The following ARID4B variants were observed in gnomAD, a reference collection of about 807,000 sequenced individuals.
ARID4B encodes the protein AT-rich interactive domain-containing protein 4B.
ARID4B carries 26 observed loss-of-function variants against 147.5 expected under a neutral mutation model. The ratio of observed to expected loss-of-function variants is 0.18; its 90% CI spans 0.13 to 0.24. ARID4B has a LOEUF of 0.24. Ranked by LOEUF, ARID4B falls within the 10% of genes least tolerant of loss-of-function variation. ARID4B has a pLI of 1.00. For synonymous variants in ARID4B, 512 were observed against 507.9 expected (o/e 1.01, Z -0.11); for missense variants, 1,179 against 1,511.5 (o/e 0.78, Z 3.65).
intron 19 of ARID4B, among the ~76,000 whole-genome samples, chr1:235,188,713 T>C (rs901571067): frequency 2.6e-5 from 4 of 152,066 alleles, no homozygotes; most frequent in African/African-American, 7.2e-5. Context: ...AGTCAAGAGA[T>C]TGGAACTCTT....
At chr1:235,248,063 T>C (rs1466745856) in intron 6 of ARID4B, among the ~76,000 whole-genome samples, 1 of 152,130 alleles carries the variant, frequency 6.6e-6, no homozygotes, top group Non-Finnish European at 1.5e-5. Flanking sequence ...AAACTATTTT[T>C]ATTGAGACAG....
chr1:235,308,820 C>G (rs1336341605), intron 2 of ARID4B, among the ~76,000 whole-genome samples: 3 of 151,982 alleles, frequency 2.0e-5, no homozygotes, highest in Non-Finnish European at 4.4e-5. Context: ...GATCTCGGCT[C>G]GCTACAACCT....
chr1:235,195,963 T>C (rs1665463074), intron 18 of ARID4B, 68 bp downstream of exon 18: 12 of 916,626 alleles, frequency 1.3e-5, no homozygotes, highest in Non-Finnish European at 1.9e-5. Flanking sequence ...AACACATATT[T>C]AATTGCATCA....
At chr1:235,302,680 G>A (rs1296679512) in intron 2 of ARID4B, among the ~76,000 whole-genome samples, 1 of 152,132 alleles carries the variant, frequency 6.6e-6, no homozygotes, top group Non-Finnish European at 1.5e-5. Context: ...CCTGCCCACT[G>A]CTTCTCCTTT....
chr1:235,273,167 A>G (rs1239872114), intron 2 of ARID4B, among the ~76,000 whole-genome samples: 1 of 152,170 alleles, frequency 6.6e-6, no homozygotes, highest in East Asian at 1.9e-4. Flanking sequence ...CCTTCCAAGT[A>G]GCTGGGACTA....
intron 2 of ARID4B, among the ~76,000 whole-genome samples, chr1:235,316,716 G>A (rs1387607312): frequency 2.6e-5 from 4 of 151,410 alleles, no homozygotes; most frequent in Non-Finnish European, 5.9e-5. Context: ...CTACTTGGGA[G>A]GCTGAGGGAG....
chr1:235,306,627 A>G (rs1451589991), intron 2 of ARID4B, among the ~76,000 whole-genome samples: 1 of 152,164 alleles, frequency 6.6e-6, no homozygotes, highest in Non-Finnish European at 1.5e-5. Context: ...GTGAATATAT[A>G]ATTTTAGGGC....
intron 19 of ARID4B, among the ~76,000 whole-genome samples, chr1:235,186,433 C>CA (rs1276639193): frequency 6.7e-6 from 1 of 148,946 alleles, no homozygotes; most frequent in Non-Finnish European, 1.5e-5. Context: ...TTTTAAGAGA[C>CA]AGAGTCTCGC....
At chr1:235,313,666 C>A (rs936673340) in intron 2 of ARID4B, among the ~76,000 whole-genome samples, 1 of 152,158 alleles carries the variant, frequency 6.6e-6, no homozygotes, top group African/African-American at 2.4e-5. Context: ...CCATAAATAA[C>A]CCTCTAGGCT....
At chr1:235,301,534 CTTT>C (rs567369149) in intron 2 of ARID4B, among the ~76,000 whole-genome samples, 24 of 99,812 alleles carry the variant, frequency 2.4e-4, no homozygotes, top group African/African-American at 7.5e-4. Flanking sequence ...GACCCTATTT[CTTT>C]TTTTTTTTTT....
At chr1:235,327,491 G>A (rs1023404655) in intron 1 of ARID4B, 2 of 152,348 alleles carry the variant, frequency 1.3e-5, no homozygotes, top group East Asian at 1.9e-4. Flanking sequence ...CCCCGCCGCG[G>A]GGACAACGTG....
intron 10 of ARID4B, 102 bp from the exon 11 acceptor site, chr1:235,229,487 C>G (rs1668063638): frequency 2.5e-6 from 2 of 793,302 alleles, no homozygotes; most frequent in Non-Finnish European, 4.1e-6. Flanking sequence ...TGTGCTAATA[C>G]CACTGACATT....
chr1:235,273,989 T>C (rs1467876824), intron 2 of ARID4B, among the ~76,000 whole-genome samples: 1 of 152,196 alleles, frequency 6.6e-6, no homozygotes, highest in Non-Finnish European at 1.5e-5. Context: ...TACTACTCAC[T>C]ATGAACGCTG....
intron 18 of ARID4B, among the ~76,000 whole-genome samples, chr1:235,195,363 C>T (rs184621160): frequency 6.6e-6 from 1 of 152,142 alleles, no homozygotes; most frequent in East Asian, 1.9e-4. Context: ...GAGGCCAAGG[C>T]GGGCGGATCA....
At chr1:235,171,826 G>C (rs1663388528) in intron 23 of ARID4B, among the ~76,000 whole-genome samples, 2 of 152,022 alleles carry the variant, frequency 1.3e-5, no homozygotes, top group African/African-American at 2.4e-5. Flanking sequence ...TTTTTTAGTA[G>C]AGACGGGGTT....
chr1:235,252,628 C>T (rs751492346), intron 6 of ARID4B, 102 bp downstream of exon 6: 121 of 919,130 alleles, frequency 1.3e-4, no homozygotes, highest in Non-Finnish European at 1.9e-4. Flanking sequence ...TATTAATGAA[C>T]TTTCCTGATT....
At chr1:235,254,716 A>G (rs1173549200) in intron 5 of ARID4B, among the ~76,000 whole-genome samples, 3 of 152,060 alleles carry the variant, frequency 2.0e-5, no homozygotes, top group Non-Finnish European at 2.9e-5. Flanking sequence ...ACCAAAACTA[A>G]TAAGAAAAAG....
chr1:235,279,279 G>T (rs1345863908), intron 2 of ARID4B, among the ~76,000 whole-genome samples: 2 of 152,008 alleles, frequency 1.3e-5, no homozygotes, highest in Non-Finnish European at 2.9e-5. Context: ...ATTTGTAATA[G>T]ATATGCTCAG....
At chr1:235,308,626 T>C (rs1350540117) in intron 2 of ARID4B, among the ~76,000 whole-genome samples, 2 of 152,078 alleles carry the variant, frequency 1.3e-5, no homozygotes, top group African/African-American at 4.8e-5. Flanking sequence ...AGGTGCGCGC[T>C]GCCACGCCTG....
Sources: gnomAD v4.1 joint callset for allele counts (sites outside exome capture counted in the v4.1 genomes callset) on GRCh38, gnomAD v4.1.1 for gene constraint, MANE v1.5 for transcripts, NCBI Gene and HGNC (gene_info 2026-07-23, HGNC 2026-07-21) for gene names.